The following ICA1 variants were observed in gnomAD, a reference collection of about 807,000 sequenced individuals.
ICA1 encodes 69 kDa islet cell autoantigen.
Under a neutral mutation model 71.0 loss-of-function variants are expected in ICA1, and 40 were observed. The observed-to-expected ratio is 0.56, with a 90% CI of 0.44 to 0.73. The LOEUF is 0.73. Ranked by LOEUF, ICA1 falls within the 30% of genes least tolerant of loss-of-function variation. The pLI, the probability that ICA1 is intolerant of heterozygous loss-of-function variation, is 0.00. For synonymous variants in ICA1, 207 were observed against 209.5 expected, an observed-to-expected ratio of 0.99 and a Z score of 0.10; for missense variants, 578 against 576.5, an observed-to-expected ratio of 1.00 and a Z score of -0.03.
chr7:8,208,498 G>A (rs1366811125), intron 6 of ICA1, among the ~76,000 whole-genome samples: 4 of 152,160 alleles, frequency 2.6e-5, no homozygotes, highest in African/African-American at 4.8e-5. Context: ...GGGTACAACT[G>A]TCTTCTTTTA....
At chr7:8,156,881 G>A (rs967873122) in intron 8 of ICA1, 66 of 1,518,442 alleles carry the variant, frequency 4.3e-5, no homozygotes, top group Admixed American at 9.7e-5. Context: ...GGTTCAATTC[G>A]CGCTTTTGGA....
chr7:8,210,261 A>G (rs1332876614), intron 6 of ICA1, among the ~76,000 whole-genome samples: 1 of 152,236 alleles, frequency 6.6e-6, no homozygotes, highest in Non-Finnish European at 1.5e-5. Context: ...GGCCTCCTGC[A>G]TGTGGAGACT....
intron 6 of ICA1, among the ~76,000 whole-genome samples, chr7:8,213,555 T>G (rs147041118): frequency 6.6e-6 from 1 of 152,358 alleles, no homozygotes; most frequent in Non-Finnish European, 1.5e-5. Context: ...ACTCTTGCAT[T>G]ACTTAGTGTC....
At chr7:8,246,121 T>C (rs1805906900) in intron 1 of ICA1, among the ~76,000 whole-genome samples, 1 of 152,138 alleles carries the variant, frequency 6.6e-6, no homozygotes, top group South Asian at 2.1e-4. Flanking sequence ...AGAAAAGATG[T>C]CCTAAAGATC....
chr7:8,124,931 G>A (rs1351873980), intron 13 of ICA1, among the ~76,000 whole-genome samples: 1 of 151,980 alleles, frequency 6.6e-6, no homozygotes, highest in Non-Finnish European at 1.5e-5. Flanking sequence ...TGGACCTACA[G>A]GTGCACACCA....
intron 13 of ICA1, among the ~76,000 whole-genome samples, chr7:8,116,945 A>C (rs1784981272): frequency 6.6e-6 from 1 of 152,176 alleles, no homozygotes; most frequent in African/African-American, 2.4e-5. Context: ...CCCCACCCAA[A>C]TCTCACCTTG....
intron 1 of ICA1, 67 bp from the exon 2 acceptor site, chr7:8,236,072 A>G: frequency 1.2e-6 from 1 of 856,244 alleles, no homozygotes; most frequent in South Asian, 1.8e-5. Context: ...TGTGACACAC[A>G]TAAAAGCCTT....
At chr7:8,214,960 G>C (rs1307879522) in intron 6 of ICA1, among the ~76,000 whole-genome samples, 1 of 152,160 alleles carries the variant, frequency 6.6e-6, no homozygotes, top group Non-Finnish European at 1.5e-5. Context: ...ATCTGGTAGA[G>C]GTCAGAACAG....
chr7:8,255,582 A>C (rs1809804921), intron 1 of ICA1, among the ~76,000 whole-genome samples: 1 of 152,102 alleles, frequency 6.6e-6, no homozygotes, highest in Non-Finnish European at 1.5e-5. Flanking sequence ...ACACCTCTCC[A>C]GGGCACCAGA....
chr7:8,240,519 A>G (rs1803426460), intron 1 of ICA1, among the ~76,000 whole-genome samples: 1 of 152,230 alleles, frequency 6.6e-6, no homozygotes, highest in African/African-American at 2.4e-5. Context: ...AAAGGATCGC[A>G]GCCCCTTGCC....
intron 9 of ICA1, among the ~76,000 whole-genome samples, chr7:8,142,733 T>C (rs1795647106): frequency 6.6e-6 from 1 of 152,174 alleles, no homozygotes; most frequent in African/African-American, 2.4e-5. Context: ...TTAACATAAA[T>C]AAAACACCTA....
chr7:8,201,930 C>T (rs1490698416), intron 6 of ICA1, among the ~76,000 whole-genome samples: 1 of 152,084 alleles, frequency 6.6e-6, no homozygotes, highest in Non-Finnish European at 1.5e-5. Flanking sequence ...CCATGCAAGC[C>T]CAGATGCTGC....
intron 6 of ICA1, among the ~76,000 whole-genome samples, chr7:8,189,488 C>T (rs1784886745): frequency 6.6e-6 from 1 of 152,230 alleles, no homozygotes; most frequent in African/African-American, 2.4e-5. Flanking sequence ...AAGACAGCCC[C>T]CACAGTCATT....
chr7:8,259,357 C>T (rs112049677), intron 1 of ICA1, among the ~76,000 whole-genome samples: 100 of 152,244 alleles, frequency 6.6e-4, no homozygotes, highest in African/African-American at 2.3e-3. Flanking sequence ...CCCACTGGAA[C>T]AAATTAGATT....
intron 6 of ICA1, among the ~76,000 whole-genome samples, chr7:8,198,303 G>C (rs1001644112): frequency 5.3e-5 from 8 of 152,198 alleles, no homozygotes; most frequent in Non-Finnish European, 1.2e-4. Flanking sequence ...CTGTCTCCTA[G>C]CAGAGGAGAC....
chr7:8,171,961 T>C (rs1217249023), intron 6 of ICA1, among the ~76,000 whole-genome samples: 1 of 152,028 alleles, frequency 6.6e-6, no homozygotes, highest in African/African-American at 2.4e-5. Context: ...CTGTCATAAC[T>C]AGATTACTTT....
chr7:8,218,774 G>A (rs1418804351), intron 5 of ICA1: 3 of 478,386 alleles, frequency 6.3e-6, no homozygotes, highest in Non-Finnish European at 1.2e-5. Flanking sequence ...GGGTGGTCTT[G>A]AGCCTGGGCT....
At chr7:8,258,891 T>C (rs1371174729) in intron 1 of ICA1, among the ~76,000 whole-genome samples, 1 of 152,222 alleles carries the variant, frequency 6.6e-6, no homozygotes, top group African/African-American at 2.4e-5. Flanking sequence ...GCAGTCCTTA[T>C]CAGACAGATG....
chr7:8,201,030 A>G (rs879317175), intron 6 of ICA1, among the ~76,000 whole-genome samples: 3 of 152,228 alleles, frequency 2.0e-5, no homozygotes, highest in Non-Finnish European at 2.9e-5. Flanking sequence ...AGATAAAAAC[A>G]TACTTTCTAG....
Sources: allele counts gnomAD v4.1 joint callset (sites outside exome capture counted in the v4.1 genomes callset), GRCh38; gene constraint gnomAD v4.1.1; transcripts MANE v1.5; gene names NCBI Gene and HGNC (gene_info 2026-07-23, HGNC 2026-07-21).